Variants in MMS22L observed in about 807,000 individuals in gnomAD.
MMS22L encodes protein MMS22-like.
A neutral mutation model predicts 159.1 loss-of-function variants in MMS22L; 74 were observed. The observed-to-expected ratio is 0.47, with a 90% CI of 0.39 to 0.56. The LOEUF is 0.56. Among genes scored for constraint, MMS22L ranks in the 20% least tolerant of loss-of-function variants. MMS22L has a pLI of 0.00. For missense variants in MMS22L, 1,351 were observed against 1,422.1 expected, an observed-to-expected ratio of 0.95 and a Z score of 0.80; for synonymous variants, 517 against 506.9, an observed-to-expected ratio of 1.02 and a Z score of -0.27.
At chr6:97,282,053 G>T (rs1410528121) in intron 2 of MMS22L, among the ~76,000 whole-genome samples, 2 of 152,136 alleles carry the variant, frequency 1.3e-5, no homozygotes, top group African/African-American at 2.4e-5. Context: ...ATTTTAAGTA[G>T]AAGAAAAATT....
chr6:97,225,734 G>A (rs769027487), intron 14 of MMS22L, among the ~76,000 whole-genome samples: 3 of 151,858 alleles, frequency 2.0e-5, no homozygotes, highest in Non-Finnish European at 2.9e-5. Context: ...CACCACGCCC[G>A]ATTAATTTTT....
chr6:97,199,686 C>T (rs1204925461), intron 14 of MMS22L, among the ~76,000 whole-genome samples: 2 of 151,834 alleles, frequency 1.3e-5, no homozygotes, highest in Non-Finnish European at 2.9e-5. Context: ...ATCATCAGCT[C>T]CAATAGTGAC....
In MMS22L at chr6:97,282,383, G is replaced by A. The variant is rs1391592015; in HGVS notation, c.95C>T (p.Ala32Val). Reference protein sequence around the residue: ...EWCKPPYFSCAVDNRGGGKHF... With the variant: ...EWCKPPYFSCVVDNRGGGKHF... ...TTTTCCTCCTCCTCTGTTGTCAACAGCACAAGAAAAGTAAGGAGGTTTGCA... is the reference window on the plus strand; with the variant it reads ...TTTTCCTCCTCCTCTGTTGTCAACAACACAAGAAAAGTAAGGAGGTTTGCA... The change falls in exon 2 of 25, where the codon GCT (alanine) becomes GTT (valine). Residue 32 changes from alanine (A) to valine (V), a missense_variant. Physicochemically the swap from Ala to Val is moderately conservative, Grantham distance 64. Transcript: ENST00000683635. The A allele has an allele frequency of 6.2e-7, 1 of 1,614,088 alleles. No individual in the cohort carries two copies. The highest frequency in any genetic ancestry group is 1.7e-5 in the Admixed American group (1 of 60,006).
At chr6:97,243,698 T>C (rs1443814697) in intron 11 of MMS22L, among the ~76,000 whole-genome samples, 2 of 152,120 alleles carry the variant, frequency 1.3e-5, no homozygotes, top group African/African-American at 4.8e-5. Context: ...TGGGTCCTTC[T>C]CATTTGGATA....
intron 4 of MMS22L, among the ~76,000 whole-genome samples, chr6:97,277,296 C>T (rs1233309065): frequency 6.6e-6 from 1 of 152,114 alleles, no homozygotes; most frequent in Admixed American, 6.5e-5. Flanking sequence ...GCCTGTAATC[C>T]CAGCTACTCA....
intron 14 of MMS22L, among the ~76,000 whole-genome samples, chr6:97,199,185 A>C (rs1416448336): frequency 6.6e-6 from 1 of 152,124 alleles, no homozygotes; most frequent in Admixed American, 6.6e-5. Flanking sequence ...CAAAAAAGAA[A>C]TTTGGAGTCA....
Position 97,207,940 on chromosome 6 carries a change from C to A in MMS22L, c.2039+20954G>T, listed in dbSNP as rs117191138. 5.5e-3 allele frequency among the ~76,000 whole-genome samples: 840 copies of A among 152,086 alleles called. 6 individuals carry two copies. Among genetic ancestry groups the A allele is most frequent in the Middle Eastern group, 0.014 (4 of 294 alleles). ...CCTTAGGGTGATAAGGTCAAGAGCA[C>A]CAATGAGAGAAATCTTGGACCACAG... On this transcript the variant is annotated intron_variant, in intron 14 of 24. Coordinates refer to ENST00000683635, the MANE Select transcript of MMS22L (RefSeq NM_001350599.2).
At chr6:97,229,501 T>C in intron 13 of MMS22L, 98 bp from the exon 14 acceptor site, 1 of 835,056 alleles carries the variant, frequency 1.2e-6, no homozygotes, top group Non-Finnish European at 1.8e-6. Flanking sequence ...AACAATCTCA[T>C]TAAATTTTAA....
At chr6:97,154,284 T>A (rs1334949724) in intron 22 of MMS22L, among the ~76,000 whole-genome samples, 4 of 152,208 alleles carry the variant, frequency 2.6e-5, no homozygotes, top group African/African-American at 4.8e-5. Context: ...CCTATTCAGA[T>A]TCATTGCCAA....
chr6:97,195,092 G>A (rs1806344123), intron 14 of MMS22L, among the ~76,000 whole-genome samples: 4 of 152,172 alleles, frequency 2.6e-5, no homozygotes, highest in Admixed American at 1.3e-4. Context: ...CATTGTACTT[G>A]TACAATGATC....
chr6:97,192,710 GAATTA>G (rs1806019899), intron 14 of MMS22L, among the ~76,000 whole-genome samples: 1 of 152,094 alleles, frequency 6.6e-6, no homozygotes, highest in South Asian at 2.1e-4. Context: ...TCTGCTGCAA[GAATTA>G]AATAAGACAT....
intron 6 of MMS22L, chr6:97,271,613 G>C (rs534337130): frequency 1.5e-4 from 23 of 152,180 alleles, no homozygotes; most frequent in African/African-American, 5.3e-4. Flanking sequence ...TACATATATT[G>C]ATCTCTGATG....
chr6:97,275,788 T>C (rs1816189052), intron 4 of MMS22L, among the ~76,000 whole-genome samples: 1 of 152,160 alleles, frequency 6.6e-6, no homozygotes, highest in Admixed American at 6.5e-5. Context: ...GAGGATCACT[T>C]GAGCCCAGAA....
chr6:97,262,555 G>A (rs534822330), intron 9 of MMS22L, among the ~76,000 whole-genome samples: 1 of 149,824 alleles, frequency 6.7e-6, no homozygotes, highest in African/African-American at 2.5e-5. Context: ...TAAGGCACGA[G>A]AATTGCTTGA....
At chr6:97,259,368 G>C (rs1054833250) in intron 9 of MMS22L, 1 of 152,174 alleles carries the variant, frequency 6.6e-6, no homozygotes, top group Admixed American at 6.6e-5. Context: ...TTCTCGTTGA[G>C]AGTTACATTT....
intron 14 of MMS22L, among the ~76,000 whole-genome samples, chr6:97,227,177 A>G (rs1181943386): frequency 4.4e-5 from 1 of 22,552 alleles, no homozygotes; most frequent in East Asian, 3.2e-4. Flanking sequence ...ACCTATGAGG[A>G]AAAAAAAAAC....
At chr6:97,231,254 A>C in intron 13 of MMS22L, 172 bp downstream of exon 13, 1 of 585,068 alleles carries the variant, frequency 1.7e-6, no homozygotes, top group Non-Finnish European at 3.0e-6. Flanking sequence ...CTACCAACGT[A>C]CAACTTGAAG....
chr6:97,178,086 A>C (rs1400153928), intron 18 of MMS22L, among the ~76,000 whole-genome samples: 1 of 152,162 alleles, frequency 6.6e-6, no homozygotes, highest in Non-Finnish European at 1.5e-5. Flanking sequence ...CTAAGGTGGG[A>C]GTATCATGGA....
At chr6:97,260,909 G>T (rs1203779549) in intron 9 of MMS22L, 1 of 150,804 alleles carries the variant, frequency 6.6e-6, no homozygotes, top group Non-Finnish European at 1.5e-5. Flanking sequence ...TCTTTTTTTG[G>T]TGGTGGTGTT....
Sources: allele counts gnomAD v4.1 joint callset (sites outside exome capture counted in the v4.1 genomes callset), GRCh38; gene constraint gnomAD v4.1.1; transcripts MANE v1.5; gene names NCBI Gene and HGNC (gene_info 2026-07-23, HGNC 2026-07-21).